The following TTN variants were observed in gnomAD, a reference collection of about 807,000 sequenced individuals.
TTN encodes the protein titin.
TTN carries 1,525 observed loss-of-function variants against 3,223.0 expected under a neutral mutation model. That is an observed-to-expected ratio of 0.47 (90% confidence interval 0.45 to 0.49). TTN has a LOEUF of 0.49. Among genes scored for constraint, TTN ranks in the 20% least tolerant of loss-of-function variants. The pLI is 0.00. For synonymous variants in TTN, 14,094 were observed against 15,161.0 expected (o/e 0.93, Z 5.17); for missense variants, 40,786 against 43,424.0 (o/e 0.94, Z 5.40).
In TTN at chr2:178,646,573, T is replaced by G. The variant is rs2154244797; in HGVS notation, c.40223-14A>C. ...CAATTTCACGTTCTTTAAAGAATGT[T>G]GACAAAGGAGATGAGGTTGCAATGT... is the stretch of plus-strand genomic sequence containing the variant. On this transcript the variant is annotated splice_polypyrimidine_tract_variant and intron_variant, in intron 215 of 362. Coordinates refer to ENST00000589042, the MANE Select transcript of TTN (RefSeq NM_001267550.2). The G allele has an allele frequency of 3.3e-6, 5 of 1,507,242 alleles. 1 individual carries two copies. Among genetic ancestry groups the G allele is most frequent in the East Asian group, 2.5e-5 (1 of 40,554 alleles). The allele number at this position is 1,507,242 out of a possible 1,614,324, so 93.4% of individuals were successfully genotyped here. A position where few individuals can be genotyped will look rare whatever the true frequency, so the allele number is the denominator to read the frequency against.
chr2:178,782,162 G>A (rs2092839705), intron 20 of TTN, 50 bp downstream of exon 20: 1 of 1,601,150 alleles, frequency 6.2e-7, no homozygotes, highest in Non-Finnish European at 8.6e-7. Flanking sequence ...TAGGCTTCAT[G>A]CACGTATTAT....
chr2:178,537,628 T>C lies in TTN; in HGVS notation c.99579A>G (p.Thr33193=), dbSNP rs1692213559. 1.2e-6 allele frequency: 2 copies of C among 1,613,610 alleles called. No individual in the cohort carries two copies. Among genetic ancestry groups the C allele is most frequent in the African/African-American group, 2.7e-5 (2 of 74,906 alleles). ...ETSSKLLLQA[T]PQFHPGYPLK... ...GTGGGTAACCAGGATGGAACTGCGG[T>C]GTTGCTTGCAGGAGAAGCTTACTAC... Residue 33193 remains threonine (T), a synonymous_variant, in exon 355 of 363, where the codon ACA becomes ACG. Transcript: ENST00000589042.
Position 178,741,247 on chromosome 2 carries a change from A to T in TTN, c.11986T>A (p.Phe3996Ile). The T allele has an allele frequency of 1.9e-6, 3 of 1,613,728 alleles. No individual in the cohort carries two copies. The highest frequency in any genetic ancestry group is 2.5e-6 in the Non-Finnish European group (3 of 1,179,842). ...IIHNPNGSGT[F>I]IVNDPQREDS... The stretch of plus-strand genomic sequence containing the variant: ...TCCCTCTGAGGGTCATTGACAATGA[A>T]AGTTCCAGAGCCATTAGGGTTATGA... Residue 3996 changes from phenylalanine to isoleucine, a missense_variant, in exon 48 of 363, where the codon TTC becomes ATC. Physicochemically the swap from Phe to Ile is conservative, Grantham distance 21. Coordinates refer to ENST00000589042, the MANE Select transcript of TTN (RefSeq NM_001267550.2).
chr2:178,711,417 TACAA>T, intron 96 of TTN, 68 bp from the exon 97 acceptor site: 2 of 1,437,168 alleles, frequency 1.4e-6, no homozygotes, highest in Non-Finnish European at 1.9e-6. Flanking sequence ...ATTATATATA[TACAA>T]ACGCACGTAT....
rs1690502998 is a variant in TTN at position 178,534,369 on chromosome 2, A to G, written c.102246T>C (p.Thr34082=). 6.2e-7 allele frequency: 1 copy of G among 1,611,212 alleles called. No homozygotes were observed. The highest frequency in any genetic ancestry group is 8.5e-7 in the Non-Finnish European group (1 of 1,179,806). ...WLKQKIERVS[T]KVIRTLKHRR... is the part of the protein sequence containing the mutation. ...GGTGTTTTAATGTTCTGATAACTTT[A>G]GTACTGACTCTTTCTATCTTCTGCT... The change falls in exon 358 of 363, where the codon ACT becomes ACC. Residue 34082 remains threonine (T), a synonymous_variant. Transcript: ENST00000589042.
rs373807971 is a variant in TTN at position 178,674,294 on chromosome 2, A to G, written c.34708+20T>C. The G allele has an allele frequency of 2.0e-5, 29 of 1,450,682 alleles. No homozygotes were observed. Among genetic ancestry groups the G allele is most frequent in the African/African-American group, 1.3e-4 (9 of 71,374 alleles). 89.9% of individuals were successfully genotyped at this position (1,450,682 alleles called of 1,614,324 possible). A position where few individuals can be genotyped will look rare whatever the true frequency, so the allele number is the denominator to read the frequency against. On this transcript the variant is annotated intron_variant, in intron 151 of 362. Coordinates refer to ENST00000589042, the MANE Select transcript of TTN (RefSeq NM_001267550.2). ...GAACACCAGGAATTTTAAATGTTCA[A>G]TCCTTAAAAGCGGTTATACCTCTAG...
chr2:178,586,439 C>T lies in TTN; in HGVS notation c.64396+66G>A, dbSNP rs903442851. ...AGCTAGATTCCTCAGGGAGAAATGT[C>T]TACATATAAAAGAAGAAATTCTAAT... On this transcript the variant is annotated intron_variant, in intron 308 of 362. Coordinates refer to ENST00000589042, the MANE Select transcript of TTN (RefSeq NM_001267550.2). The T allele has an allele frequency of 1.4e-5, 22 of 1,568,594 alleles. No individual in the cohort carries two copies. The African/African-American group carries it at 1.5e-4, about 11-fold the overall frequency.
chr2:178,680,256 C>G lies in TTN; in HGVS notation c.33416G>C (p.Arg11139Thr), dbSNP rs72650040. ...TTAAAATGAGTGCCATTAGGTACCTCTAACAGGTGGTGCTACTTCTTTTCT... is the reference window on the plus strand; with the variant it reads ...TTAAAATGAGTGCCATTAGGTACCTGTAACAGGTGGTGCTACTTCTTTTCT... ...VPRKEVAPPVRVPEVPKELEP... is the reference protein window; with the variant it reads ...VPRKEVAPPVTVPEVPKELEP... Residue 11139 changes from arginine (R) to threonine (T), a missense_variant and splice_region_variant, in exon 139 of 363, where the codon AGA becomes ACA. Arg to Thr is a moderately conservative substitution (Grantham distance 71). Transcript: ENST00000589042. 2.1e-3 allele frequency: 3,358 copies of G among 1,612,462 alleles called. 6 individuals are homozygous for G. Among genetic ancestry groups the G allele is most frequent in the Non-Finnish European group, 2.6e-3 (3,022 of 1,179,154 alleles).
Position 178,710,726 on chromosome 2 carries a change from G to A in TTN, c.28371C>T (p.Leu9457=). 1.2e-6 allele frequency: 2 copies of A among 1,613,760 alleles called. No individual in the cohort carries two copies. The highest frequency in any genetic ancestry group is 1.7e-6 in the Non-Finnish European group (2 of 1,179,816). ...YLENSAHLTV[L]KVDKGDSGQY... ...GTCCAGAATCTCCTTTGTCTACTTT[G>A]AGGACTGTCAGGTGGGCGCTGTTTT... Residue 9457 remains leucine (L), a synonymous_variant, in exon 98 of 363, where the codon CTC becomes CTT. Transcript: ENST00000589042.
intron 242 of TTN, 64 bp from the exon 243 acceptor site, chr2:178,622,831 A>G: frequency 8.2e-7 from 1 of 1,212,598 alleles, no homozygotes; most frequent in South Asian, 1.4e-5. Context: ...ACATTACCAT[A>G]GTATACATTA....
chr2:178,703,106 A>G lies in TTN; in HGVS notation c.30224-443T>C, dbSNP rs570199470. On this transcript the variant is annotated intron_variant, in intron 106 of 362. Coordinates refer to ENST00000589042, the MANE Select transcript of TTN (RefSeq NM_001267550.2). ...ATCTAATATGTATAACTTTTCCTGT[A>G]AAATAATTTCAAACGCAATCGGAAA... 2.0e-5 allele frequency among the ~76,000 whole-genome samples: 3 copies of G among 152,316 alleles called. No individual in the cohort carries two copies. In the South Asian group the frequency reaches 6.2e-4, roughly 32 times the overall value.
chr2:178,539,268 A>G lies in TTN; in HGVS notation c.98684-17T>C. The G allele has an allele frequency of 6.2e-7, 1 of 1,610,744 alleles. No homozygotes were observed. Among genetic ancestry groups the G allele is most frequent in the Non-Finnish European group, 8.5e-7 (1 of 1,177,626 alleles). On this transcript the variant is annotated splice_polypyrimidine_tract_variant and intron_variant, in intron 352 of 362. Transcript: ENST00000589042. ...CTGGAGGATCTGTAAATATAAGTGG[A>G]AAGCACACATGTATTAGAATACAGT...
rs1560787155 is a variant in TTN, at chr2:178,730,545, C to T, written c.17988G>A (p.Lys5996=). Residue 5996 remains lysine, a synonymous_variant, in exon 61 of 363, where the codon AAG becomes AAA. Transcript: ENST00000589042. ...SGTYTCSATN[K]AGHNQCSGHL... ...GCCCACTGCATTGGTTGTGCCCTGC[C>T]TTATTTGTGGCAGAACAAGTGTATG... The T allele has an allele frequency of 1.2e-6, 2 of 1,613,402 alleles. No individual in the cohort carries two copies. Among genetic ancestry groups the T allele is most frequent in the Middle Eastern group, 1.7e-4 (1 of 6,050 alleles).
Position 178,589,577 on chromosome 2 carries a change from TTCCCAGTCA to T in TTN, c.62139_62147del (p.Asp20713_Trp20715del). 1 of 1,613,430 alleles carries T rather than the reference TTCCCAGTCA, an allele frequency of 6.2e-7. No individual in the cohort carries two copies. The highest frequency in any genetic ancestry group is 8.5e-7 in the Non-Finnish European group (1 of 1,179,608). On this transcript the variant is annotated inframe_deletion, in exon 304 of 363. Coordinates refer to ENST00000589042, the MANE Select transcript of TTN (RefSeq NM_001267550.2). ...CTTTAATGCTTCCTTTATGCACTCTTTCCCAGTCATCGGAGCCCTTAAGCCTTCTCTCAA... is the reference window on the plus strand; with the variant it reads ...CTTTAATGCTTCCTTTATGCACTCTTTCGGAGCCCTTAAGCCTTCTCTCAA...
rs794729478 is a variant in TTN, at chr2:178,785,636, G to A, written c.2477C>T (p.Thr826Ile). The A allele has an allele frequency of 3.1e-6, 5 of 1,613,934 alleles. No homozygotes were observed. In the African/African-American group the frequency reaches 6.7e-5, roughly 22 times the overall value. The change falls in exon 15 of 363, where the codon ACA becomes ATA. Residue 826 changes from threonine (T) to isoleucine (I), a missense_variant. Thr to Ile is a moderately conservative substitution (Grantham distance 89, BLOSUM62 -1). Transcript: ENST00000589042. ...ACTTCTTACCTCATATCCATGTTCT[G>A]TCTTAGGAACAGAAATTTTTGAAAC... Reference protein sequence around the residue: ...FTVSKISVPKTEHGYEASIAG... With the variant: ...FTVSKISVPKIEHGYEASIAG...
At chr2:178,671,840 C>A in intron 155 of TTN, 131 bp downstream of exon 155, 4 of 903,228 alleles carry the variant, frequency 4.4e-6, no homozygotes, top group Admixed American at 2.9e-5. Flanking sequence ...ATCTTTGTGT[C>A]AACTAGTTTA....
In TTN at chr2:178,669,020, T is replaced by G. The variant is rs1036620894; in HGVS notation, c.35545+353A>C. Among the ~76,000 whole-genome samples the G allele has an allele frequency of 5.3e-5, 8 of 152,286 alleles. 1 individual carries two copies. Among genetic ancestry groups the G allele is most frequent in the African/African-American group, 1.9e-4 (8 of 41,580 alleles). On this transcript the variant is annotated intron_variant, in intron 159 of 362. Transcript: ENST00000589042. ...AAATAATGGTGAAACATTTTGATTTTATAAAATCCAATTAAAATATTATGG... is the reference window on the plus strand; with the variant it reads ...AAATAATGGTGAAACATTTTGATTTGATAAAATCCAATTAAAATATTATGG...
At chr2:178,676,192 G>C in intron 147 of TTN, 197 bp from the exon 148 acceptor site, 1 of 525,460 alleles carries the variant, frequency 1.9e-6, no homozygotes, top group Non-Finnish European at 3.4e-6. Context: ...CATTATCAGA[G>C]GACAGATGCT....
Position 178,578,704 on chromosome 2 carries a change from C to T in TTN, c.68236G>A (p.Ala22746Thr). 3.7e-6 allele frequency: 6 copies of T among 1,610,276 alleles called. No individual in the cohort carries two copies. The highest frequency in any genetic ancestry group is 5.1e-6 in the Non-Finnish European group (6 of 1,178,736). Residue 22746 changes from alanine to threonine, a missense_variant, in exon 321 of 363, where the codon GCT becomes ACT. By Grantham distance (58) the Ala-to-Thr change is moderately conservative. Coordinates refer to ENST00000589042, the MANE Select transcript of TTN (RefSeq NM_001267550.2). ...TCCACAATATTGGGAGGTGGGGGAGCATCAGGCACATCTAGAAAAAAGTAG... is the reference window on the plus strand; with the variant it reads ...TCCACAATATTGGGAGGTGGGGGAGTATCAGGCACATCTAGAAAAAAGTAG... ...VARHPFDVPD[A>T]PPPPNIVDVR...
Sources: gnomAD v4.1 joint callset for allele counts (sites outside exome capture counted in the v4.1 genomes callset) on GRCh38, gnomAD v4.1.1 for gene constraint, MANE v1.5 for transcripts, NCBI Gene and HGNC (gene_info 2026-07-23, HGNC 2026-07-21) for gene names.